Variants in CCDC91 observed in about 807,000 individuals in gnomAD.
The protein encoded by CCDC91 is coiled-coil domain-containing protein 91.
Under a neutral mutation model 63.2 loss-of-function variants are expected in CCDC91, and 48 were observed. The ratio of observed to expected loss-of-function variants is 0.76; its 90% CI spans 0.60 to 0.97. The LOEUF is 0.97. Among genes scored for constraint, CCDC91 ranks in the 50% least tolerant of loss-of-function variants. The pLI is 0.00. For missense variants in CCDC91, 500 were observed against 494.6 expected (o/e 1.01, Z -0.10); for synonymous variants, 167 against 165.8 (o/e 1.01, Z -0.06).
At chr12:28,258,698 T>A (rs1225378209) in intron 2 of CCDC91, among the ~76,000 whole-genome samples, 1 of 152,026 alleles carries the variant, frequency 6.6e-6, no homozygotes, top group African/African-American at 2.4e-5. Context: ...CTTAAGGGGT[T>A]GGCAACTCAG....
At chr12:28,219,209 C>T (rs1379893558) in intron 1 of CCDC91, among the ~76,000 whole-genome samples, 19 of 152,094 alleles carry the variant, frequency 1.2e-4, no homozygotes, top group Admixed American at 7.9e-4. Context: ...TGATGTTGTA[C>T]GTCTTTTCAT....
chr12:28,270,034 A>G (rs887117245), intron 3 of CCDC91, among the ~76,000 whole-genome samples: 2 of 152,026 alleles, frequency 1.3e-5, no homozygotes, highest in African/African-American at 4.8e-5. Context: ...TAATGATTTA[A>G]TTAATAAAAA....
intron 1 of CCDC91, among the ~76,000 whole-genome samples, chr12:28,192,015 A>G (rs1370836153): frequency 2.0e-5 from 3 of 152,226 alleles, no homozygotes; most frequent in South Asian, 2.1e-4. Flanking sequence ...GAAAGTTACA[A>G]CTTACCTCTT....
intron 12 of CCDC91, among the ~76,000 whole-genome samples, chr12:28,540,367 G>T (rs1942540860): frequency 6.6e-6 from 1 of 152,082 alleles, no homozygotes; most frequent in African/African-American, 2.4e-5. Flanking sequence ...TATATTAAGA[G>T]AAGATAATTA....
intron 8 of CCDC91, among the ~76,000 whole-genome samples, chr12:28,447,581 G>A (rs1234267130): frequency 6.7e-6 from 1 of 149,790 alleles, no homozygotes; most frequent in African/African-American, 2.5e-5. Context: ...GCTGGGCACG[G>A]CGGCTCATCC....
At chr12:28,546,581 G>A (rs1334865424) in intron 12 of CCDC91, among the ~76,000 whole-genome samples, 2 of 152,042 alleles carry the variant, frequency 1.3e-5, no homozygotes, top group South Asian at 4.1e-4. Context: ...ATACTAGCAC[G>A]TGTATACAGA....
At chr12:28,508,136 C>G (rs563047265) in intron 12 of CCDC91, among the ~76,000 whole-genome samples, 1 of 151,852 alleles carries the variant, frequency 6.6e-6, no homozygotes, top group Non-Finnish European at 1.5e-5. Flanking sequence ...CTGAGTAGTG[C>G]GCCACAGGCC....
At chr12:28,540,340 T>C (rs900791272) in intron 12 of CCDC91, among the ~76,000 whole-genome samples, 46 of 152,266 alleles carry the variant, frequency 3.0e-4, no homozygotes, top group African/African-American at 1.1e-3. Context: ...TATAAAGAAA[T>C]CTGTCTGAAT....
At chr12:28,382,861 AT>A (rs895974624) in intron 7 of CCDC91, among the ~76,000 whole-genome samples, 11 of 151,450 alleles carry the variant, frequency 7.3e-5, no homozygotes, top group Non-Finnish European at 8.8e-5. Context: ...TTTGGTCAGA[AT>A]TTTTTTTTCC....
chr12:28,246,370 G>A (rs1945735750), intron 1 of CCDC91, among the ~76,000 whole-genome samples: 1 of 152,136 alleles, frequency 6.6e-6, no homozygotes. Flanking sequence ...TGATTACTAT[G>A]TGACACTTTT....
intron 12 of CCDC91, among the ~76,000 whole-genome samples, chr12:28,541,968 A>C (rs1942660655): frequency 6.6e-6 from 1 of 152,054 alleles, no homozygotes; most frequent in South Asian, 2.1e-4. Context: ...AATATTATCC[A>C]CCTTTGCTTT....
chr12:28,367,880 G>C (rs1329168467), intron 7 of CCDC91, among the ~76,000 whole-genome samples: 1 of 152,028 alleles, frequency 6.6e-6, no homozygotes, highest in Non-Finnish European at 1.5e-5. Context: ...CCAATCATTT[G>C]AAGGCCTTAA....
chr12:28,546,476 T>TA (rs1172321456), intron 12 of CCDC91, among the ~76,000 whole-genome samples: 1 of 152,074 alleles, frequency 6.6e-6, no homozygotes, highest in African/African-American at 2.4e-5. Context: ...ATGGAGAGCC[T>TA]AAAGACAGGT....
chr12:28,302,038 C>G (rs1243388116), intron 3 of CCDC91, among the ~76,000 whole-genome samples: 2 of 151,734 alleles, frequency 1.3e-5, no homozygotes, highest in East Asian at 3.9e-4. Context: ...AATGCAGTAT[C>G]TTTATTATTT....
intron 6 of CCDC91, among the ~76,000 whole-genome samples, chr12:28,355,616 A>AT (rs1215092899): frequency 6.6e-6 from 1 of 152,156 alleles, no homozygotes; most frequent in Admixed American, 6.5e-5. Flanking sequence ...TTAGACATGG[A>AT]TATAAAATTG....
intron 11 of CCDC91, among the ~76,000 whole-genome samples, chr12:28,478,291 C>A (rs1237849896): frequency 2.6e-5 from 4 of 151,996 alleles, no homozygotes; most frequent in Admixed American, 2.6e-4. Flanking sequence ...AGAACGGAGC[C>A]CTCAGAAATA....
At chr12:28,314,502 G>A (rs1444541740) in intron 6 of CCDC91, among the ~76,000 whole-genome samples, 1 of 152,064 alleles carries the variant, frequency 6.6e-6, no homozygotes, top group African/African-American at 2.4e-5. Flanking sequence ...AATCTGGTAT[G>A]TAGAGAATTT....
At chr12:28,326,903 C>T (rs1483800888) in intron 6 of CCDC91, among the ~76,000 whole-genome samples, 3 of 151,962 alleles carry the variant, frequency 2.0e-5, no homozygotes, top group Non-Finnish European at 2.9e-5. Flanking sequence ...AGGTTTTATT[C>T]GATGCAATAG....
rs1043786838 is a variant in CCDC91 at position 28,190,498 on chromosome 12, G to A, written c.-158G>A. On this transcript the variant is annotated 5_prime_UTR_variant, in exon 1 of 13. It adds an upstream start codon to the 5' untranslated region. Coordinates refer to ENST00000536442, the MANE Select transcript of CCDC91 (RefSeq NM_018318.5). ...GGTGGTGCGTGGGCTACCCCAACCTGTGTGGCTGGGCCGCGGTCTCCCCTC... is the reference window on the plus strand; with the variant it reads ...GGTGGTGCGTGGGCTACCCCAACCTATGTGGCTGGGCCGCGGTCTCCCCTC... The A allele has an allele frequency of 6.5e-6, 1 of 153,056 alleles. No homozygotes were observed. The highest frequency in any genetic ancestry group is 1.5e-5 in the Non-Finnish European group (1 of 68,632). 9.5% of individuals were successfully genotyped at this position (153,056 alleles called of 1,614,324 possible). A position where few individuals can be genotyped will look rare whatever the true frequency, so the allele number is the denominator to read the frequency against.
Sources: gnomAD v4.1 joint callset for allele counts (sites outside exome capture counted in the v4.1 genomes callset) on GRCh38, gnomAD v4.1.1 for gene constraint, MANE v1.5 for transcripts, NCBI Gene and HGNC (gene_info 2026-07-23, HGNC 2026-07-21) for gene names.